ZNF184: variants seen among roughly 807,000 people sequenced by gnomAD.
ZNF184 encodes zinc finger protein 184 (Kruppel-like).
Under a neutral mutation model 54.4 loss-of-function variants are expected in ZNF184, and 16 were observed. The observed-to-expected ratio is 0.29, with a 90% CI of 0.20 to 0.45. The LOEUF is 0.45. ZNF184 is among the 20% of genes least tolerant of loss of function. ZNF184 has a pLI of 1.00. For missense variants in ZNF184, 681 were observed against 888.2 expected, an observed-to-expected ratio of 0.77 and a Z score of 2.97; for synonymous variants, 254 against 295.3, an observed-to-expected ratio of 0.86 and a Z score of 1.43.
chr6:27,463,498 C>T (rs1763051319), intron 3 of ZNF184, among the ~76,000 whole-genome samples: 1 of 151,688 alleles, frequency 6.6e-6, no homozygotes, highest in Non-Finnish European at 1.5e-5. Context: ...CTTTAAGTTG[C>T]CTGCTTTATG....
the ZNF184 span, among the ~76,000 whole-genome samples, chr6:27,425,029 T>C: frequency 1.4e-4 from 22 of 152,206 alleles, no homozygotes; most frequent in African/African-American, 3.9e-4. Context: ...GGGCTAGCAC[T>C]GCTGGGGGAC....
intron 2 of ZNF184, among the ~76,000 whole-genome samples, chr6:27,471,817 C>T (rs1024946035): frequency 1.3e-5 from 2 of 152,176 alleles, no homozygotes; most frequent in African/African-American, 4.8e-5. Context: ...ACAAGTACAT[C>T]TGTTTAATAT....
chr6:27,454,451 T>C (rs189580188), intron 5 of ZNF184, among the ~76,000 whole-genome samples: 1 of 152,322 alleles, frequency 6.6e-6, no homozygotes, highest in Admixed American at 6.5e-5. Flanking sequence ...AAACAGCCGA[T>C]TGTTCAAGAA....
chr6:27,422,117 T>G, the ZNF184 span, among the ~76,000 whole-genome samples: 127,691 of 130,636 alleles, frequency 0.98, 62,466 homozygotes, highest in East Asian at 1. Flanking sequence ...CCCTAGCCTG[T>G]GCAACAGGAC....
Position 27,452,071 on chromosome 6 carries a change from G to A in ZNF184, c.1488C>T (p.His496=), listed in dbSNP as rs765333459. 1.9e-6 allele frequency: 3 copies of A among 1,613,888 alleles called. No homozygotes were observed. Among genetic ancestry groups the A allele is most frequent in the South Asian group, 1.1e-5 (1 of 91,060 alleles). ...TGCATTCAAAGGGCTTTTCTCTCGT[G>A]TGAATTCTCCGATGTTGAGTAAGGG... is the stretch of plus-strand genomic sequence containing the variant. ...CSSLTQHRRI[H]TREKPFECSE... Residue 496 remains histidine (H), a synonymous_variant, in exon 6 of 6, where the codon CAC becomes CAT. Coordinates refer to ENST00000683788, the MANE Select transcript of ZNF184 (RefSeq NM_001318891.2). This position sits in a 1 kb window ranked among gnomAD's most constrained non-coding sequence, Gnocchi z 5.5.
the ZNF184 span, among the ~76,000 whole-genome samples, chr6:27,444,277 CTT>C: frequency 6.6e-6 from 1 of 152,264 alleles, no homozygotes; most frequent in Admixed American, 6.5e-5. Context: ...GCCAAATACT[CTT>C]TGTTCCCTCC....
the ZNF184 span, chr6:27,404,420 A>G: frequency 6.6e-6 from 1 of 152,228 alleles, no homozygotes; most frequent in African/African-American, 2.4e-5. Context: ...CAGAAAGTCC[A>G]GAAAGGCAGA....
At chr6:27,422,148 A>AAAGAAAGAAAGAAAG in the ZNF184 span, among the ~76,000 whole-genome samples, 4 of 43,454 alleles carry the variant, frequency 9.2e-5, no homozygotes, top group African/African-American at 1.7e-4. Flanking sequence ...CTCAAAAAAA[A>AAAGAAAGAAAGAAAG]AAAGAAAGAA....
At position 27,451,529 on chromosome 6, in the gene ZNF184, T is replaced by C. The variant is rs143661216; in HGVS notation, c.2030A>G (p.Lys677Arg). ...EKPYKCNECD[K>R]AFSRSTHLTE... ...CAGATGAGTGCTCCGGCTAAAGGCT[T>C]TGTCACATTCATTGCACTTATAGGG... Residue 677 changes from lysine (K) to arginine (R), a missense_variant, in exon 6 of 6, where the codon AAA becomes AGA. Lys to Arg is a conservative substitution (Grantham distance 26, BLOSUM62 2). Transcript: ENST00000683788. 6.2e-6 allele frequency: 10 copies of C among 1,614,028 alleles called. No individual in the cohort carries two copies. Among genetic ancestry groups the C allele is most frequent in the Non-Finnish European group, 8.5e-6 (10 of 1,179,996 alleles).
the ZNF184 span, among the ~76,000 whole-genome samples, chr6:27,440,716 G>A: frequency 6.6e-6 from 1 of 152,106 alleles, no homozygotes; most frequent in African/African-American, 2.4e-5. Context: ...TAAAAGAGAA[G>A]GTGCAGGCCG....
chr6:27,459,353 T>C (rs1208418538), intron 3 of ZNF184, among the ~76,000 whole-genome samples: 1 of 151,870 alleles, frequency 6.6e-6, no homozygotes. Context: ...CCCATGGATA[T>C]GTACAATTAT....
At chr6:27,469,580 G>A (rs953905090) in intron 2 of ZNF184, among the ~76,000 whole-genome samples, 1 of 152,054 alleles carries the variant, frequency 6.6e-6, no homozygotes, top group African/African-American at 2.4e-5. Flanking sequence ...GAGGGAGGTT[G>A]CAGTGAGCCG....
chr6:27,461,728 G>C (rs1417138733), intron 3 of ZNF184, among the ~76,000 whole-genome samples: 1 of 152,192 alleles, frequency 6.6e-6, no homozygotes, highest in Non-Finnish European at 1.5e-5. Context: ...CCAAACACTG[G>C]TGTAGGGAGG....
chr6:27,449,658 G>A (rs1348469297), downstream of ZNF184, among the ~76,000 whole-genome samples: 1 of 152,082 alleles, frequency 6.6e-6, no homozygotes, highest in African/African-American at 2.4e-5. Context: ...GGAGGCTGAG[G>A]CAGGAGCATC....
intron 2 of ZNF184, among the ~76,000 whole-genome samples, chr6:27,469,504 G>A (rs1763220723): frequency 6.6e-6 from 1 of 152,228 alleles, no homozygotes; most frequent in South Asian, 2.1e-4. Context: ...AACCAGGCGT[G>A]GTGGCGTGTG....
the ZNF184 span, among the ~76,000 whole-genome samples, chr6:27,411,292 C>A: frequency 6.6e-6 from 1 of 152,126 alleles, no homozygotes; most frequent in African/African-American, 2.4e-5. Context: ...GATTTAATCA[C>A]TTCCCAAAGA....
chr6:27,438,113 G>A, the ZNF184 span, among the ~76,000 whole-genome samples: 5 of 151,872 alleles, frequency 3.3e-5, no homozygotes, highest in Admixed American at 6.6e-5. Flanking sequence ...GTTTCATCAG[G>A]GCCCATATTA....
the ZNF184 span, among the ~76,000 whole-genome samples, chr6:27,438,954 A>C: frequency 6.6e-6 from 1 of 152,198 alleles, no homozygotes; most frequent in Non-Finnish European, 1.5e-5. Context: ...TCAATGTCTT[A>C]AATGGCACAT....
chr6:27,418,973 G>A, the ZNF184 span, among the ~76,000 whole-genome samples: 1 of 151,842 alleles, frequency 6.6e-6, no homozygotes, highest in African/African-American at 2.4e-5. Context: ...TATATTTTAA[G>A]TTTGTTTCTT....
Sources: allele counts gnomAD v4.1 joint callset (sites outside exome capture counted in the v4.1 genomes callset), GRCh38; gene constraint gnomAD v4.1.1; non-coding constraint Gnocchi (gnomAD v3.1); transcripts MANE v1.5; gene names NCBI Gene and HGNC (gene_info 2026-07-23, HGNC 2026-07-21).